The following ZNF451 variants were observed in gnomAD, a reference collection of about 807,000 sequenced individuals.
ZNF451 encodes the protein zinc finger protein 451, also known as E3 SUMO-protein ligase ZNF451.
ZNF451 carries 80 observed loss-of-function variants against 107.1 expected under a neutral mutation model. That is an observed-to-expected ratio of 0.75 (90% CI 0.62 to 0.90). The LOEUF (loss-of-function observed/expected upper bound fraction) is 0.90, where lower values mean the gene tolerates loss of function less well. Ranked by LOEUF, ZNF451 falls within the 40% of genes least tolerant of loss-of-function variation. The pLI is 0.00. For missense variants in ZNF451, 1,107 were observed against 1,236.2 expected, an observed-to-expected ratio of 0.90 and a Z score of 1.57; for synonymous variants, 362 against 406.5, an observed-to-expected ratio of 0.89 and a Z score of 1.32.
At chr6:57,092,928 A>G (rs1829118366) in intron 2 of ZNF451, 1 of 152,218 alleles carries the variant, frequency 6.6e-6, no homozygotes, top group Non-Finnish European at 1.5e-5. Flanking sequence ...ATTGAAATAT[A>G]CATAAAAGTG....
chr6:57,123,495 A>C (rs1830744684), intron 3 of ZNF451, among the ~76,000 whole-genome samples: 2 of 152,128 alleles, frequency 1.3e-5, no homozygotes, highest in South Asian at 4.1e-4. Context: ...AACAATAAAC[A>C]CTGGGGACTC....
At chr6:57,144,324 T>C (rs1265105116) in intron 9 of ZNF451, among the ~76,000 whole-genome samples, 3 of 138,534 alleles carry the variant, frequency 2.2e-5, no homozygotes, top group Non-Finnish European at 4.6e-5. Flanking sequence ...CACTGCAACC[T>C]CCACCTCCCA....
At chr6:57,113,610 A>G (rs1048022899) in intron 3 of ZNF451, among the ~76,000 whole-genome samples, 2 of 150,636 alleles carry the variant, frequency 1.3e-5, no homozygotes, top group Admixed American at 6.6e-5. Context: ...GGGTCTTCTG[A>G]GAAAAAAAAA....
In ZNF451 at chr6:57,152,340, A is replaced by G. The variant is rs1176443107; in HGVS notation, c.2872A>G (p.Ile958Val). 5 of 1,613,904 alleles carry G rather than the reference A, an allele frequency of 3.1e-6. No individual in the cohort carries two copies. Among genetic ancestry groups the G allele is most frequent in the Non-Finnish European group, 2.5e-6 (3 of 1,180,016 alleles). ...AAGAAAAGATGCTGCTGATTTTGCC[A>G]TATGTATGCATGTGAGTCATTGTTT... is the stretch of plus-strand genomic sequence containing the variant. The part of the protein sequence containing the change: ...SKRKDAADFA[I>V]CMHAGRLDEQ... Residue 958 changes from isoleucine (I) to valine (V), a missense_variant, in exon 12 of 15, where the codon ATA (isoleucine) becomes GTA (valine). This residue lies in a region of ZNF451 where 151 missense variants were observed against 173.3 expected (regional missense o/e 0.87). Transcript: ENST00000370706.
chr6:57,112,529 G>A (rs891209218), intron 3 of ZNF451, among the ~76,000 whole-genome samples: 4 of 152,134 alleles, frequency 2.6e-5, no homozygotes, highest in African/African-American at 9.7e-5. Context: ...GCCTTGGATT[G>A]TTTTGTGTAT....
At position 57,168,541 on chromosome 6, in the gene ZNF451, TA is replaced by T; in HGVS notation, c.*75del. Reference sequence around the variant, plus strand: ...ATAACGAATTCTTGAGTTTGTTTTCTAAAGGAGACCAGAAATCCACTATTAC... The same window carrying T: ...ATAACGAATTCTTGAGTTTGTTTTCTAAGGAGACCAGAAATCCACTATTAC... On this transcript the variant is annotated 3_prime_UTR_variant, in exon 15 of 15. Transcript: ENST00000370706. The T allele has an allele frequency of 8.2e-7, 1 of 1,220,080 alleles. No homozygotes were observed. Among genetic ancestry groups the T allele is most frequent in the Non-Finnish European group, 1.2e-6 (1 of 840,610 alleles). 75.6% of individuals were successfully genotyped at this position (1,220,080 alleles called of 1,614,324 possible). A position where few individuals can be genotyped will look rare whatever the true frequency, so the allele number is the denominator to read the frequency against.
intron 3 of ZNF451, among the ~76,000 whole-genome samples, chr6:57,112,133 GTTA>G (rs1830144797): frequency 6.6e-6 from 1 of 152,166 alleles, no homozygotes; most frequent in Admixed American, 6.5e-5. Flanking sequence ...TTTTCAAAGT[GTTA>G]TTTGGGATAC....
At chr6:57,125,546 A>G (rs1038539520) in intron 4 of ZNF451, among the ~76,000 whole-genome samples, 1 of 152,174 alleles carries the variant, frequency 6.6e-6, no homozygotes, top group African/African-American at 2.4e-5. Context: ...AGATTTCAGT[A>G]GATCACTAGT....
chr6:57,100,559 A>G (rs1829543015), intron 3 of ZNF451: 4 of 1,446,714 alleles, frequency 2.8e-6, no homozygotes, highest in African/African-American at 1.4e-5. Context: ...TTAAAAGCAT[A>G]TTTTTTTTCT....
chr6:57,159,544 T>C, intron 13 of ZNF451: 1 of 266,556 alleles, frequency 3.8e-6, no homozygotes, highest in Non-Finnish European at 5.5e-6. Context: ...TTTTTTTTTT[T>C]GCGTTTTCTT....
intron 3 of ZNF451, among the ~76,000 whole-genome samples, chr6:57,120,900 T>G (rs1266797084): frequency 6.6e-6 from 1 of 152,186 alleles, no homozygotes; most frequent in Non-Finnish European, 1.5e-5. Flanking sequence ...AAGTGCAGCT[T>G]ATAAATTATT....
At chr6:57,122,517 A>C (rs1447175885) in intron 3 of ZNF451, among the ~76,000 whole-genome samples, 3 of 152,204 alleles carry the variant, frequency 2.0e-5, no homozygotes, top group Non-Finnish European at 4.4e-5. Flanking sequence ...TAAGGACTTA[A>C]ATGAATCAAC....
Position 57,152,171 on chromosome 6 carries a change from C to G in ZNF451, c.2753-50C>G, listed in dbSNP as rs750991770. On this transcript the variant is annotated intron_variant, in intron 11 of 14. Transcript: ENST00000370706. ...TGTTTTTTCTTGATAAAATTTTTGG[C>G]CTTTCCTCTCCTGTTTGATTATCAT... 3.3e-6 allele frequency: 5 copies of G among 1,537,262 alleles called. No homozygotes were observed. In the African/African-American group the frequency reaches 7.0e-5, roughly 21 times the overall value.
rs959667875 is a variant in ZNF451, at chr6:57,107,669, T to C, written c.186+8528T>C. The stretch of plus-strand genomic sequence containing the variant: ...GGCTTTACTGGTTGAGGTAACCTAT[T>C]TCAAATGGTCTGTTGGGTTTTGTGG... On this transcript the variant is annotated intron_variant, in intron 3 of 14. Transcript: ENST00000370706. The C allele has an allele frequency of 3.3e-5, 33 of 985,286 alleles. No individual in the cohort carries two copies. In the African/African-American group the frequency reaches 5.6e-4, roughly 17 times the overall value. 61.0% of individuals were successfully genotyped at this position (985,286 alleles called of 1,614,324 possible). A position where few individuals can be genotyped will look rare whatever the true frequency, so the allele number is the denominator to read the frequency against.
chr6:57,152,577 T>C (rs1832400953), intron 12 of ZNF451, among the ~76,000 whole-genome samples: 1 of 152,166 alleles, frequency 6.6e-6, no homozygotes, highest in African/African-American at 2.4e-5. Flanking sequence ...GTGGGATAAA[T>C]GATCAAGAGC....
At chr6:57,130,350 A>G (rs1831126913) in intron 5 of ZNF451, among the ~76,000 whole-genome samples, 1 of 152,176 alleles carries the variant, frequency 6.6e-6, no homozygotes, top group Non-Finnish European at 1.5e-5. Flanking sequence ...TTTAGTTTTA[A>G]AAATCCCTCT....
Position 57,148,461 on chromosome 6 carries a change from C to CA in ZNF451, c.2377dup (p.Thr793AsnfsTer8), listed in dbSNP as rs746788552. ...AGCAGCAGTATGTAATCAAGTGTGG[C>CA]ACCTGCACCAAAGCATTTCATGATC... On this transcript the variant is annotated frameshift_variant, in exon 10 of 15. Transcript: ENST00000370706. LOFTEE classifies it high-confidence loss of function. The CA allele has an allele frequency of 6.2e-7, 1 of 1,613,972 alleles. No homozygotes were observed. The highest frequency in any genetic ancestry group is 8.5e-7 in the Non-Finnish European group (1 of 1,179,926).
intron 5 of ZNF451, among the ~76,000 whole-genome samples, chr6:57,129,372 C>CA (rs1316608117): frequency 6.6e-6 from 1 of 152,138 alleles, no homozygotes; most frequent in Non-Finnish European, 1.5e-5. Flanking sequence ...TGTCTTACTC[C>CA]ACCGGATAAT....
intron 3 of ZNF451, chr6:57,104,314 A>G (rs1375707379): frequency 3.0e-6 from 3 of 985,234 alleles, no homozygotes; most frequent in Non-Finnish European, 3.6e-6. Context: ...ATCTTAGAGG[A>G]CTTGCCACTG....
Sources: allele counts gnomAD v4.1 joint callset (sites outside exome capture counted in the v4.1 genomes callset), GRCh38; gene constraint gnomAD v4.1.1; regional missense constraint gnomAD v4.1.1; transcripts MANE v1.5; gene names NCBI Gene and HGNC (gene_info 2026-07-23, HGNC 2026-07-21).